MCTP2: variants seen among roughly 807,000 people sequenced by gnomAD.
The protein encoded by MCTP2 is multiple C2 and transmembrane domain-containing protein 2.
MCTP2 carries 132 observed loss-of-function variants against 111.6 expected under a neutral mutation model. The ratio of observed to expected loss-of-function variants is 1.18; its 90% confidence interval spans 1.03 to 1.37. MCTP2 has a LOEUF of 1.37. Ranked by LOEUF, MCTP2 falls within the 40% of genes most tolerant of loss-of-function variation. MCTP2 has a pLI of 0.00. For missense variants in MCTP2, 1,183 were observed against 1,067.9 expected (o/e 1.11, Z -1.50); for synonymous variants, 395 against 387.7 (o/e 1.02, Z -0.22).
intron 1 of MCTP2, among the ~76,000 whole-genome samples, chr15:94,254,089 T>C (rs138178859): frequency 2.0e-5 from 3 of 152,336 alleles, no homozygotes; most frequent in Non-Finnish European, 4.4e-5. Flanking sequence ...CAGCAAATGT[T>C]TTCGTCATAG....
chr15:94,348,270 C>T (rs1389649486), intron 8 of MCTP2, among the ~76,000 whole-genome samples: 2 of 151,238 alleles, frequency 1.3e-5, no homozygotes, highest in South Asian at 4.2e-4. Context: ...TATCAGCTGG[C>T]CTCCACCTGG....
At chr15:94,467,188 G>A (rs929773947) in intron 20 of MCTP2, among the ~76,000 whole-genome samples, 1 of 152,094 alleles carries the variant, frequency 6.6e-6, no homozygotes, top group Non-Finnish European at 1.5e-5. Flanking sequence ...ATTACGTAAG[G>A]CCATAGAGCT....
chr15:94,402,876 T>C, intron 17 of MCTP2: 1 of 1,131,800 alleles, frequency 8.8e-7, no homozygotes, highest in Non-Finnish European at 1.1e-6. Flanking sequence ...ATATCAGTCA[T>C]GATCATTGGT....
At chr15:94,441,979 TTGA>T (rs1567714790) in intron 18 of MCTP2, among the ~76,000 whole-genome samples, 3 of 152,220 alleles carry the variant, frequency 2.0e-5, no homozygotes, top group Non-Finnish European at 4.4e-5. Flanking sequence ...AAGAAATTTC[TTGA>T]TGACTGCTCA....
At chr15:94,342,669 T>G (rs1324405109) in intron 7 of MCTP2, 5 of 151,632 alleles carry the variant, frequency 3.3e-5, no homozygotes, top group Admixed American at 6.6e-5. Flanking sequence ...TATCTCCATA[T>G]ATACACATAT....
chr15:94,458,298 G>A, intron 20 of MCTP2, 52 bp downstream of exon 20: 1 of 1,064,484 alleles, frequency 9.4e-7, no homozygotes, highest in Non-Finnish European at 1.5e-6. Flanking sequence ...CTATCCACAA[G>A]GACAGTGGGG....
intron 4 of MCTP2, among the ~76,000 whole-genome samples, chr15:94,339,046 C>T (rs180768317): frequency 1.3e-5 from 2 of 152,180 alleles, no homozygotes; most frequent in East Asian, 3.9e-4. Flanking sequence ...TAGGAGTGAC[C>T]TACCCACAAT....
intron 3 of MCTP2, 92 bp downstream of exon 3, chr15:94,314,436 T>TTA: frequency 1.6e-6 from 1 of 619,296 alleles, no homozygotes; most frequent in Non-Finnish European, 2.6e-6. Context: ...CTTTTATTGC[T>TTA]AAAAAAAAAA....
At chr15:94,320,548 TG>T in intron 4 of MCTP2, among the ~76,000 whole-genome samples, 1 of 152,330 alleles carries the variant, frequency 6.6e-6, no homozygotes, top group Non-Finnish European at 1.5e-5. Flanking sequence ...ACTTCAGTGC[TG>T]GACTTAAGGA....
At chr15:94,307,965 CATAATA>C (rs140379246) in intron 2 of MCTP2, among the ~76,000 whole-genome samples, 1 of 151,468 alleles carries the variant, frequency 6.6e-6, no homozygotes, top group Non-Finnish European at 1.5e-5. Context: ...TAATATAATT[CATAATA>C]ATAATAATAA....
At position 94,479,071 on chromosome 15, in the gene MCTP2, G is replaced by A. The variant is rs1331564793; in HGVS notation, c.*37G>A. The stretch of plus-strand genomic sequence containing the variant: ...ACTTTGGACAGCAGCACCCAATATT[G>A]TGTTTGGTTGAGTAGACCAATGTTA... On this transcript the variant is annotated 3_prime_UTR_variant, in exon 23 of 23. Coordinates refer to ENST00000357742, the MANE Select transcript of MCTP2 (RefSeq NM_001385001.1). 6.2e-7 allele frequency: 1 copy of A among 1,603,302 alleles called. No homozygotes were observed. Among genetic ancestry groups the A allele is most frequent in the Admixed American group, 1.7e-5 (1 of 59,974 alleles).
At chr15:94,468,794 A>C (rs566856609) in intron 20 of MCTP2, among the ~76,000 whole-genome samples, 133 of 152,136 alleles carry the variant, frequency 8.7e-4, no homozygotes, top group South Asian at 7.1e-3. Context: ...ACACCCGGCT[A>C]ATTTTTGTAT....
At chr15:94,419,619 C>T (rs1000734378) in intron 17 of MCTP2, among the ~76,000 whole-genome samples, 11 of 152,038 alleles carry the variant, frequency 7.2e-5, no homozygotes, top group Non-Finnish European at 5.9e-5. Flanking sequence ...TGATTTCTTC[C>T]GAAAGTGTAG....
In MCTP2 at chr15:94,260,987, G is replaced by A. The variant is rs148095323; in HGVS notation, c.-66+29323G>A. Reference sequence around the variant, plus strand: ...TACCTGGAAGCTTCATCAGCACGATGAAACCTTGGTGTCCACAACCTTTTA... The same window carrying A: ...TACCTGGAAGCTTCATCAGCACGATAAAACCTTGGTGTCCACAACCTTTTA... On this transcript the variant is annotated intron_variant, in intron 1 of 22. Transcript: ENST00000357742. 5.9e-3 allele frequency among the ~76,000 whole-genome samples: 891 copies of A among 152,252 alleles called. 16 individuals are homozygous for A. Among genetic ancestry groups the A allele is most frequent in the African/African-American group, 0.021 (860 of 41,538 alleles).
chr15:94,383,971 T>A (rs373120685), intron 12 of MCTP2, 51 bp from the exon 13 acceptor site: 3 of 1,307,082 alleles, frequency 2.3e-6, no homozygotes, highest in South Asian at 2.4e-5. Context: ...ATTGCCCTTG[T>A]CCCTTTCGAG....
At chr15:94,295,034 C>T (rs1342862407) in intron 1 of MCTP2, among the ~76,000 whole-genome samples, 1 of 148,580 alleles carries the variant, frequency 6.7e-6, no homozygotes, top group African/African-American at 2.5e-5. Flanking sequence ...ACTGCAACCT[C>T]CGCCTCCTCG....
At chr15:94,448,361 A>AT (rs1467688437) in intron 19 of MCTP2, among the ~76,000 whole-genome samples, 1 of 152,232 alleles carries the variant, frequency 6.6e-6, no homozygotes, top group Non-Finnish European at 1.5e-5. Context: ...GAAATGTGAT[A>AT]TGCCAGACTC....
At chr15:94,257,630 A>G (rs147624153) in intron 1 of MCTP2, among the ~76,000 whole-genome samples, 2,012 of 104,950 alleles carry the variant, frequency 0.019, 52 homozygotes, top group African/African-American at 0.07. Flanking sequence ...TCTGTCACCC[A>G]GGCTGGAGTG....
chr15:94,414,490 G>A (rs1414952700), intron 17 of MCTP2, among the ~76,000 whole-genome samples: 1 of 152,162 alleles, frequency 6.6e-6, no homozygotes, highest in African/African-American at 2.4e-5. Context: ...GTGGTAAGCA[G>A]TTCTTGAAAA....
Sources: gnomAD v4.1 joint callset for allele counts (sites outside exome capture counted in the v4.1 genomes callset) on GRCh38, gnomAD v4.1.1 for gene constraint, MANE v1.5 for transcripts, NCBI Gene and HGNC (gene_info 2026-07-23, HGNC 2026-07-21) for gene names.